ADAMTS2: variants seen among roughly 807,000 people sequenced by gnomAD.
The protein encoded by ADAMTS2 is A disintegrin and metalloproteinase with thrombospondin motifs 2.
A neutral mutation model predicts 123.0 loss-of-function variants in ADAMTS2; 50 were observed. The ratio of observed to expected loss-of-function variants is 0.41; its 90% CI spans 0.32 to 0.51. The LOEUF (loss-of-function observed/expected upper bound fraction) is 0.51, where lower values mean the gene tolerates loss of function less well. Ranked by LOEUF, ADAMTS2 falls within the 20% of genes least tolerant of loss-of-function variation. The pLI, the probability that ADAMTS2 is intolerant of heterozygous loss-of-function variation, is 0.35. For synonymous variants in ADAMTS2, 678 were observed against 695.4 expected (o/e 0.98, Z 0.39); for missense variants, 1,494 against 1,705.2 (o/e 0.88, Z 2.18).
chr5:179,224,921 C>T (rs1368665047), intron 3 of ADAMTS2, among the ~76,000 whole-genome samples: 1 of 152,192 alleles, frequency 6.6e-6, no homozygotes, highest in Admixed American at 6.5e-5. Flanking sequence ...TCCGTCTGGC[C>T]TGGAGAGGTT....
At chr5:179,241,197 C>T (rs1477706497) in intron 3 of ADAMTS2, among the ~76,000 whole-genome samples, 1 of 152,236 alleles carries the variant, frequency 6.6e-6, no homozygotes, top group Non-Finnish European at 1.5e-5. Flanking sequence ...GGCCATGCCA[C>T]TGCCTTGTTT....
chr5:179,121,463 C>T (rs924142756), intron 21 of ADAMTS2, 198 bp downstream of exon 21: 6 of 453,122 alleles, frequency 1.3e-5, no homozygotes, highest in East Asian at 1.0e-4. Flanking sequence ...AGCAGAGGCC[C>T]GAGCCCCCGC....
At chr5:179,340,055 A>G (rs1581294689) in intron 2 of ADAMTS2, among the ~76,000 whole-genome samples, 2 of 152,356 alleles carry the variant, frequency 1.3e-5, no homozygotes, top group Admixed American at 1.3e-4. Context: ...TCTTCTTGCC[A>G]TGCAACCTTG....
intron 4 of ADAMTS2, 43 bp downstream of exon 4, chr5:179,207,470 G>GGCCC: frequency 7.6e-7 from 1 of 1,323,550 alleles, no homozygotes; most frequent in Non-Finnish European, 1.1e-6. Flanking sequence ...GCCCCTGGTT[G>GGCCC]ACCCTCCCCG....
chr5:179,127,626 C>T (rs1031499943), intron 17 of ADAMTS2, among the ~76,000 whole-genome samples: 32 of 152,184 alleles, frequency 2.1e-4, no homozygotes, highest in African/African-American at 6.3e-4. Flanking sequence ...CTTGCCTATG[C>T]GATCCTGCCA....
chr5:179,300,080 G>A (rs1022921034), intron 2 of ADAMTS2, among the ~76,000 whole-genome samples: 1 of 133,706 alleles, frequency 7.5e-6, no homozygotes, highest in South Asian at 2.7e-4. Flanking sequence ...GGGCGACAGA[G>A]TGAGACTCCG....
intron 3 of ADAMTS2, among the ~76,000 whole-genome samples, chr5:179,261,901 C>G (rs568395585): frequency 6.6e-6 from 1 of 152,338 alleles, no homozygotes; most frequent in East Asian, 1.9e-4. Flanking sequence ...AAACCTCACA[C>G]TGTCCCTGAC....
intron 5 of ADAMTS2, among the ~76,000 whole-genome samples, chr5:179,179,904 T>C (rs1222279050): frequency 1.2e-4 from 18 of 152,214 alleles, no homozygotes; most frequent in Non-Finnish European, 2.5e-4. Flanking sequence ...TTTATATAAT[T>C]ATCTGATGTA....
intron 3 of ADAMTS2, among the ~76,000 whole-genome samples, chr5:179,222,404 A>G (rs193134611): frequency 0.01 from 1,579 of 152,304 alleles, 8 homozygotes; most frequent in Non-Finnish European, 0.011. Flanking sequence ...CAACCGGGGC[A>G]GGTGGCAGGG....
Position 179,285,941 on chromosome 5 carries a change from C to T in ADAMTS2, c.535-12877G>A, listed in dbSNP as rs2431429. 9.2e-3 allele frequency among the ~76,000 whole-genome samples: 1,403 copies of T among 152,192 alleles called. 23 individuals are homozygous for T. The highest frequency in any genetic ancestry group is 0.031 in the African/African-American group (1,295 of 41,524). On this transcript the variant is annotated intron_variant, in intron 2 of 21. Transcript: ENST00000251582. The surrounding 1 kb of genome is among the most constrained non-coding windows in gnomAD (Gnocchi z 4.9). ...CAAGATCCTGCCAACAGGCCGGGCA[C>T]GGTGGCTCACGCCTATAATCCTAGC...
rs1167041835 is a variant in ADAMTS2, at chr5:179,256,703, A to G, written c.688+16208T>C. Among the ~76,000 whole-genome samples the G allele has an allele frequency of 6.6e-6, 1 of 152,192 alleles. No individual in the cohort carries two copies. The highest frequency in any genetic ancestry group is 2.4e-5 in the African/African-American group (1 of 41,444). On this transcript the variant is annotated intron_variant, in intron 3 of 21. Transcript: ENST00000251582. The surrounding 1 kb of genome is among the most constrained non-coding windows in gnomAD (Gnocchi z 4.1). ...TTGTGTTCGCCCATCCAGAGGAGGC[A>G]CAGAGCCTCCCACCCAGTGCTGCTG...
chr5:179,326,520 G>A (rs868493132), intron 2 of ADAMTS2, among the ~76,000 whole-genome samples: 74 of 12,246 alleles, frequency 6.0e-3, no homozygotes, highest in Admixed American at 0.013. Flanking sequence ...CCCAAGCCCC[G>A]CCCACAGAGC....
Position 179,188,769 on chromosome 5 carries a change from C to G in ADAMTS2, c.892-7614G>C, listed in dbSNP as rs370369627. On this transcript the variant is annotated intron_variant, in intron 4 of 21. Coordinates refer to ENST00000251582, the MANE Select transcript of ADAMTS2 (RefSeq NM_014244.5). This position sits in a 1 kb window ranked among gnomAD's most constrained non-coding sequence, Gnocchi z 5.1. ...TGTGCCTGTCCACACTCTGCTGATACCTCTGCAGATGCCTCAGGGTGGGGA... is the reference window on the plus strand; with the variant it reads ...TGTGCCTGTCCACACTCTGCTGATAGCTCTGCAGATGCCTCAGGGTGGGGA... Among the ~76,000 whole-genome samples, 3 of 152,196 alleles carry G rather than the reference C, an allele frequency of 2.0e-5. No individual in the cohort carries two copies. The highest frequency in any genetic ancestry group is 4.4e-5 in the Non-Finnish European group (3 of 68,042).
At chr5:179,154,292 G>A in intron 7 of ADAMTS2, 100 bp from the exon 8 acceptor site, 1 of 1,504,290 alleles carries the variant, frequency 6.6e-7, no homozygotes, top group South Asian at 1.2e-5. Context: ...TTCCCCAACG[G>A]GCCTCCTGAC....
chr5:179,277,724 C>T (rs186875577), intron 2 of ADAMTS2, among the ~76,000 whole-genome samples: 14 of 8,770 alleles, frequency 1.6e-3, no homozygotes, highest in African/African-American at 2.3e-3. Context: ...GCTGAACCCC[C>T]CCGAGACCAA....
chr5:179,156,401 C>A (rs1049387890), intron 6 of ADAMTS2, among the ~76,000 whole-genome samples: 22 of 146,324 alleles, frequency 1.5e-4, no homozygotes, highest in African/African-American at 4.9e-4. Context: ...ACTCTGCCGT[C>A]CAGGCTGGAG....
chr5:179,299,402 G>A (rs781511), intron 2 of ADAMTS2, among the ~76,000 whole-genome samples: 2,085 of 7,906 alleles, frequency 0.26, 153 homozygotes, highest in Non-Finnish European at 0.36. Flanking sequence ...GGTGGCGGGC[G>A]CCTGTAGTCC....
intron 2 of ADAMTS2, among the ~76,000 whole-genome samples, chr5:179,336,419 G>C (rs933888209): frequency 1.3e-5 from 2 of 152,216 alleles, no homozygotes; most frequent in Admixed American, 6.5e-5. Flanking sequence ...CTCAGTTCCC[G>C]GGAGCCGTGA....
At position 179,117,116 on chromosome 5, in the gene ADAMTS2, TGGA is replaced by T. The variant is rs1405957554; in HGVS notation, c.3179-2795_3179-2793del. ...GATGATAGTACTGTTTGAAGGTGGG[TGGA>T]GGAGACACAGAGCTCCCATCCCTGC... On this transcript the variant is annotated intron_variant, in intron 21 of 21. Coordinates refer to ENST00000251582, the MANE Select transcript of ADAMTS2 (RefSeq NM_014244.5). The surrounding 1 kb of genome is among the most constrained non-coding windows in gnomAD (Gnocchi z 4.2). 6.6e-6 allele frequency among the ~76,000 whole-genome samples: 1 copy of T among 152,092 alleles called. No homozygotes were observed. The highest frequency in any genetic ancestry group is 2.4e-5 in the African/African-American group (1 of 41,400).
Sources: gnomAD v4.1 joint callset for allele counts (sites outside exome capture counted in the v4.1 genomes callset) on GRCh38, gnomAD v4.1.1 for gene constraint, Gnocchi (gnomAD v3.1) non-coding constraint, MANE v1.5 for transcripts, NCBI Gene and HGNC (gene_info 2026-07-23, HGNC 2026-07-21) for gene names.